ZDHHC20: variants seen among roughly 807,000 people sequenced by gnomAD.
The protein encoded by ZDHHC20 is palmitoyltransferase ZDHHC20.
Under a neutral mutation model 57.8 loss-of-function variants are expected in ZDHHC20, and 43 were observed. The ratio of observed to expected loss-of-function variants is 0.74; its 90% confidence interval spans 0.58 to 0.96. The LOEUF is 0.96. Ranked by LOEUF, ZDHHC20 falls within the 40% of genes least tolerant of loss-of-function variation. The pLI is 0.00. For synonymous variants in ZDHHC20, 157 were observed against 153.0 expected, an observed-to-expected ratio of 1.03 and a Z score of -0.19; for missense variants, 391 against 441.1, an observed-to-expected ratio of 0.89 and a Z score of 1.02.
intron 9 of ZDHHC20, among the ~76,000 whole-genome samples, chr13:21,386,527 A>C (rs898667780): frequency 6.6e-6 from 1 of 152,222 alleles, no homozygotes; most frequent in African/African-American, 2.4e-5. Context: ...ACCCAGAAGC[A>C]TAACATTTAG....
chr13:21,436,688 C>T (rs1283711808), intron 1 of ZDHHC20, among the ~76,000 whole-genome samples: 1 of 152,194 alleles, frequency 6.6e-6, no homozygotes, highest in Non-Finnish European at 1.5e-5. Context: ...GGAGACACAA[C>T]AATACTGCAA....
chr13:21,400,593 G>C, intron 6 of ZDHHC20, 100 bp from the exon 7 acceptor site: 1 of 1,222,824 alleles, frequency 8.2e-7, no homozygotes, highest in Non-Finnish European at 1.1e-6. Context: ...GTGTGGTGTG[G>C]GGAAGGGGAG....
intron 1 of ZDHHC20, among the ~76,000 whole-genome samples, chr13:21,437,097 C>T (rs1365637700): frequency 6.6e-6 from 1 of 152,172 alleles, no homozygotes; most frequent in African/African-American, 2.4e-5. Flanking sequence ...CAGCCACAAA[C>T]ATTCCCTTAA....
intron 1 of ZDHHC20, among the ~76,000 whole-genome samples, chr13:21,434,774 A>G (rs1882370951): frequency 1.7e-5 from 1 of 58,710 alleles, no homozygotes; most frequent in African/African-American, 4.6e-5. Flanking sequence ...ACACAGAGAC[A>G]TCCTTTTTTT....
chr13:21,448,705 G>A (rs1461083127), intron 1 of ZDHHC20, among the ~76,000 whole-genome samples: 5 of 99,520 alleles, frequency 5.0e-5, no homozygotes, highest in African/African-American at 9.2e-5. Context: ...CCACCACCCC[G>A]TCTGGGAGGT....
At chr13:21,416,961 A>G (rs1880058288) in intron 3 of ZDHHC20, among the ~76,000 whole-genome samples, 1 of 152,232 alleles carries the variant, frequency 6.6e-6, no homozygotes, top group South Asian at 2.1e-4. Context: ...TAGTCAGGGA[A>G]GGGATGGGAA....
chr13:21,377,984 A>G (rs946562505), intron 12 of ZDHHC20: 8 of 152,188 alleles, frequency 5.3e-5, no homozygotes, highest in African/African-American at 1.9e-4. Flanking sequence ...AGAGCCTTTA[A>G]TTTTGGTCAT....
intron 1 of ZDHHC20, among the ~76,000 whole-genome samples, chr13:21,443,711 T>C (rs1207183030): frequency 6.6e-6 from 1 of 152,248 alleles, no homozygotes; most frequent in African/African-American, 2.4e-5. Context: ...ACTTAATTAC[T>C]TAGCGCATTA....
chr13:21,421,763 T>C (rs1455567384), intron 2 of ZDHHC20, among the ~76,000 whole-genome samples: 1 of 152,194 alleles, frequency 6.6e-6, no homozygotes, highest in African/African-American at 2.4e-5. Flanking sequence ...AGATTTTTGT[T>C]GTATTCTATA....
intron 3 of ZDHHC20, among the ~76,000 whole-genome samples, chr13:21,419,593 A>G (rs993327133): frequency 2.0e-5 from 3 of 152,248 alleles, no homozygotes; most frequent in African/African-American, 7.2e-5. Context: ...TAATGAAAGA[A>G]GCCACACACA....
Position 21,451,134 on chromosome 13 carries a change from A to G in ZDHHC20, c.118+7920T>C, listed in dbSNP as rs190104301. Among the ~76,000 whole-genome samples, 63 of 152,346 alleles carry G rather than the reference A, an allele frequency of 4.1e-4. 1 individual carries two copies. The highest frequency in any genetic ancestry group is 1.2e-3 in the Admixed American group (19 of 15,300). Reference sequence around the variant, plus strand: ...AACCACTGAGGATAAGATTTAGGGAAATAGGTTTTTTAAACCATGTCGGCA... The same window carrying G: ...AACCACTGAGGATAAGATTTAGGGAGATAGGTTTTTTAAACCATGTCGGCA... On this transcript the variant is annotated intron_variant, in intron 1 of 12. Transcript: ENST00000400590.
At chr13:21,426,291 G>A (rs187245907) in intron 1 of ZDHHC20, among the ~76,000 whole-genome samples, 7 of 152,270 alleles carry the variant, frequency 4.6e-5, no homozygotes, top group African/African-American at 1.7e-4. Context: ...GAAACCCTGT[G>A]AACTGCTATT....
intron 1 of ZDHHC20, among the ~76,000 whole-genome samples, chr13:21,450,440 G>A (rs1036292247): frequency 6.6e-6 from 1 of 152,086 alleles, no homozygotes; most frequent in Admixed American, 6.5e-5. Context: ...TTTATGTGGG[G>A]AAATAAAACA....
chr13:21,405,576 G>A (rs944936955), intron 4 of ZDHHC20, among the ~76,000 whole-genome samples: 1 of 152,166 alleles, frequency 6.6e-6, no homozygotes, highest in African/African-American at 2.4e-5. Flanking sequence ...TTCTCAGGGT[G>A]CTTTTAGTGC....
intron 1 of ZDHHC20, among the ~76,000 whole-genome samples, chr13:21,432,202 G>A (rs1315724624): frequency 6.6e-5 from 10 of 152,002 alleles, no homozygotes. Context: ...ATCTCGCTCT[G>A]TCGCCCAGGC....
chr13:21,397,969 CAAAAT>C (rs934512589), intron 7 of ZDHHC20, among the ~76,000 whole-genome samples: 21 of 151,978 alleles, frequency 1.4e-4, no homozygotes, highest in African/African-American at 4.8e-4. Flanking sequence ...TTGGAAAAAA[CAAAAT>C]AAAAAACATC....
chr13:21,405,367 T>C (rs563812829), intron 4 of ZDHHC20, among the ~76,000 whole-genome samples: 3 of 152,314 alleles, frequency 2.0e-5, no homozygotes, highest in East Asian at 1.9e-4. Context: ...GCTACCGCTT[T>C]AGAAATCTAG....
At chr13:21,393,701 A>G (rs992086746) in intron 7 of ZDHHC20, among the ~76,000 whole-genome samples, 1 of 47,602 alleles carries the variant, frequency 2.1e-5, no homozygotes, top group Non-Finnish European at 7.4e-5. Context: ...AAGTCTCACA[A>G]AAAAAAAAAA....
At chr13:21,421,560 A>G (rs1326648978) in intron 2 of ZDHHC20, among the ~76,000 whole-genome samples, 1 of 152,160 alleles carries the variant, frequency 6.6e-6, no homozygotes, top group Non-Finnish European at 1.5e-5. Flanking sequence ...GTCAACTGAA[A>G]GTAAATAAGT....
Sources: allele counts gnomAD v4.1 joint callset (sites outside exome capture counted in the v4.1 genomes callset), GRCh38; gene constraint gnomAD v4.1.1; transcripts MANE v1.5; gene names NCBI Gene and HGNC (gene_info 2026-07-23, HGNC 2026-07-21).